The following STARD13 variants were observed in gnomAD, a reference collection of about 807,000 sequenced individuals.
The protein encoded by STARD13 is StAR related lipid transfer domain containing 13.
Under a neutral mutation model 106.4 loss-of-function variants are expected in STARD13, and 62 were observed. The ratio of observed to expected loss-of-function variants is 0.58; its 90% CI spans 0.48 to 0.72. The LOEUF (loss-of-function observed/expected upper bound fraction) is 0.72, where lower values mean the gene tolerates loss of function less well. Among genes scored for constraint, STARD13 ranks in the 30% least tolerant of loss-of-function variants. The pLI is 0.00. For missense variants in STARD13, 1,387 were observed against 1,424.0 expected (o/e 0.97, Z 0.42); for synonymous variants, 565 against 553.0 (o/e 1.02, Z -0.31).
chr13:33,485,601 A>G, the STARD13 span, among the ~76,000 whole-genome samples: 1 of 152,218 alleles, frequency 6.6e-6, no homozygotes, highest in Non-Finnish European at 1.5e-5. Context: ...CCTGACAAAG[A>G]GCTGAGAATC....
At chr13:33,263,802 T>C (rs142297142) in intron 1 of STARD13, among the ~76,000 whole-genome samples, 238 of 152,234 alleles carry the variant, frequency 1.6e-3, no homozygotes, top group African/African-American at 5.3e-3. Context: ...CCAGAAAAAA[T>C]GACAGGAACC....
rs374670845 is a variant in STARD13 at position 33,234,854 on chromosome 13, T to A, written c.169+50616A>T. On this transcript the variant is annotated intron_variant, in intron 1 of 13. Transcript: ENST00000336934. ...AATGATGGCATACAACTCCTTCTGATATCTTTATTCCTTCTCTGATTTCTT... is the reference window on the plus strand; with the variant it reads ...AATGATGGCATACAACTCCTTCTGAAATCTTTATTCCTTCTCTGATTTCTT... Among the ~76,000 whole-genome samples the A allele has an allele frequency of 1.1e-4, 16 of 152,352 alleles. No homozygotes were observed. The East Asian group carries it at 1.3e-3, about 13-fold the overall frequency.
the STARD13 span, among the ~76,000 whole-genome samples, chr13:33,538,715 G>A: frequency 6.6e-6 from 1 of 151,054 alleles, no homozygotes; most frequent in Non-Finnish European, 1.5e-5. Context: ...AAAAGATAAT[G>A]GAAACAAGAT....
chr13:33,391,198 G>T, the STARD13 span, among the ~76,000 whole-genome samples: 1 of 152,112 alleles, frequency 6.6e-6, no homozygotes, highest in African/African-American at 2.4e-5. Flanking sequence ...TTTAGATCAG[G>T]TTTAACATTG....
chr13:33,548,371 C>T, the STARD13 span, among the ~76,000 whole-genome samples: 1 of 152,090 alleles, frequency 6.6e-6, no homozygotes, highest in Admixed American at 6.5e-5. Context: ...CCCAAATGTA[C>T]AAGGGCCATC....
the STARD13 span, among the ~76,000 whole-genome samples, chr13:33,564,206 C>CAAAAAAAAAAAAAAAAAAAAAAAAAAA: frequency 1.9e-5 from 1 of 53,870 alleles, no homozygotes; most frequent in Non-Finnish European, 3.9e-5. Flanking sequence ...GACTGTATCT[C>CAAAAAAAAAAAAAAAAAAAAAAAAAAA]AAAAAAAAAA....
intron 6 of STARD13, among the ~76,000 whole-genome samples, chr13:33,126,616 G>A (rs1877210841): frequency 6.6e-6 from 1 of 152,212 alleles, no homozygotes. Context: ...GCTGGGGTTG[G>A]AGGAAAAGGA....
intron 2 of STARD13, among the ~76,000 whole-genome samples, chr13:33,166,076 C>T (rs75183419): frequency 0.026 from 3,911 of 152,242 alleles, 91 homozygotes; most frequent in African/African-American, 0.062. Flanking sequence ...AGGACATAGC[C>T]AAATGTAACC....
the STARD13 span, among the ~76,000 whole-genome samples, chr13:33,561,128 A>G: frequency 6.6e-6 from 1 of 151,498 alleles, no homozygotes. Context: ...TAAGCTTGTA[A>G]AAGTATTAAT....
At chr13:33,187,803 C>T (rs142860730) in intron 1 of STARD13, among the ~76,000 whole-genome samples, 388 of 152,230 alleles carry the variant, frequency 2.5e-3, no homozygotes, top group African/African-American at 8.8e-3. Flanking sequence ...GTGCCTCAGC[C>T]TCTCAAGTAG....
chr13:33,544,719 T>C, the STARD13 span, among the ~76,000 whole-genome samples: 1 of 151,290 alleles, frequency 6.6e-6, no homozygotes, highest in African/African-American at 2.4e-5. Flanking sequence ...TACTGATGAA[T>C]CATTTAAATC....
intron 1 of STARD13, among the ~76,000 whole-genome samples, chr13:33,254,135 G>A (rs1890221936): frequency 1.3e-5 from 2 of 152,208 alleles, no homozygotes; most frequent in Non-Finnish European, 2.9e-5. Context: ...AAGTGGGCTG[G>A]TTGGTCCCCA....
chr13:33,453,914 A>G, the STARD13 span, among the ~76,000 whole-genome samples: 5 of 152,250 alleles, frequency 3.3e-5, no homozygotes, highest in African/African-American at 4.8e-5. Context: ...GGTACATAGC[A>G]GAAAGAAAAG....
At chr13:33,584,390 G>C in the STARD13 span, among the ~76,000 whole-genome samples, 1 of 151,910 alleles carries the variant, frequency 6.6e-6, no homozygotes, top group Non-Finnish European at 1.5e-5. Context: ...AAGAGAGAGG[G>C]TACCACACAC....
At chr13:33,631,894 A>G in the STARD13 span, among the ~76,000 whole-genome samples, 1 of 152,202 alleles carries the variant, frequency 6.6e-6, no homozygotes, top group African/African-American at 2.4e-5. Flanking sequence ...GGGAAGAAAG[A>G]ATGCTTCATG....
At chr13:33,647,883 T>TAATATACAATTAAATA in the STARD13 span, among the ~76,000 whole-genome samples, 1 of 152,096 alleles carries the variant, frequency 6.6e-6, no homozygotes, top group Admixed American at 6.6e-5. Flanking sequence ...TATAATCAAA[T>TAATATACAATTAAATA]AATATACAAT....
At chr13:33,354,942 A>AT (rs1213547402), upstream of STARD13, among the ~76,000 whole-genome samples, 5 of 151,394 alleles carry the variant, frequency 3.3e-5, no homozygotes, top group African/African-American at 4.8e-5. Flanking sequence ...CAAGTTTTTC[A>AT]TTTTTTTTCA....
Position 33,296,387 on chromosome 13 carries a change from A to G in STARD13, c.124+53903T>C, listed in dbSNP as rs182831570. Among the ~76,000 whole-genome samples the G allele has an allele frequency of 7.2e-5, 11 of 152,124 alleles. No individual in the cohort carries two copies. The East Asian group carries it at 2.1e-3, about 29-fold the overall frequency. On this transcript the variant is annotated intron_variant, in intron 1 of 5. Coordinates refer to the STARD13 transcript ENST00000567873. Reference sequence around the variant, plus strand: ...TACAATCTTTATCAGTCAATTAAATATTTTAAAATTTAAAAATCATCATGA... The same window carrying G: ...TACAATCTTTATCAGTCAATTAAATGTTTTAAAATTTAAAAATCATCATGA...
rs202079611 is a variant in STARD13 at position 33,296,287 on chromosome 13, C to T, written c.124+54003G>A. 6.6e-5 allele frequency among the ~76,000 whole-genome samples: 10 copies of T among 152,030 alleles called. No individual in the cohort carries two copies. In the South Asian group the frequency reaches 1.2e-3, roughly 19 times the overall value. ...CTCAGGGACAGCATGAATGGTGATG[C>T]GTGTGTTAATTCCACTGCAGACATC... On this transcript the variant is annotated intron_variant, in intron 1 of 5. Transcript: ENST00000567873.
Sources: gnomAD v4.1 joint callset for allele counts (sites outside exome capture counted in the v4.1 genomes callset) on GRCh38, gnomAD v4.1.1 for gene constraint, MANE v1.5 for transcripts, NCBI Gene and HGNC (gene_info 2026-07-23, HGNC 2026-07-21) for gene names.